Variants in EYS observed in about 807,000 individuals in gnomAD.
The protein encoded by EYS is protein eyes shut homolog.
A neutral mutation model predicts 282.1 loss-of-function variants in EYS; 250 were observed. That is an observed-to-expected ratio of 0.89 (90% CI 0.80 to 0.98). The LOEUF (loss-of-function observed/expected upper bound fraction) is 0.98, where lower values mean the gene tolerates loss of function less well. EYS is among the 50% of genes least tolerant of loss of function. EYS has a pLI of 0.00. For synonymous variants in EYS, 1,355 were observed against 1,282.9 expected, an observed-to-expected ratio of 1.06 and a Z score of -1.20; for missense variants, 4,016 against 3,709.0, an observed-to-expected ratio of 1.08 and a Z score of -2.15.
At chr6:65,194,008 G>A (rs1765705344) in intron 12 of EYS, among the ~76,000 whole-genome samples, 1 of 151,876 alleles carries the variant, frequency 6.6e-6, no homozygotes, top group Admixed American at 6.6e-5. Flanking sequence ...AATTCAAATG[G>A]ATTTCCTTTG....
At chr6:65,373,416 T>C (rs534579388) in intron 8 of EYS, among the ~76,000 whole-genome samples, 1 of 152,128 alleles carries the variant, frequency 6.6e-6, no homozygotes, top group South Asian at 2.1e-4. Flanking sequence ...CCCTTATGCT[T>C]TCTGCTGCTT....
chr6:64,692,977 C>CTTTTTTTTTTT (rs67700846), intron 22 of EYS, among the ~76,000 whole-genome samples: 634 of 11,472 alleles, frequency 0.055, 217 homozygotes, highest in Middle Eastern at 0.5. Context: ...GCTGCTTGGG[C>CTTTTTTTTTTT]TTTTTTTTTT....
At chr6:64,458,463 G>GT (rs1191152156) in intron 26 of EYS, among the ~76,000 whole-genome samples, 165 of 150,572 alleles carry the variant, frequency 1.1e-3, no homozygotes, top group African/African-American at 2.0e-3. Flanking sequence ...TTAATAATTT[G>GT]TTTTTTTTCT....
At chr6:64,159,697 AACCAACT>A (rs1296082525) in intron 31 of EYS, among the ~76,000 whole-genome samples, 7 of 152,056 alleles carry the variant, frequency 4.6e-5, no homozygotes, top group African/African-American at 1.7e-4. Context: ...TTTAACTATC[AACCAACT>A]ATCAACTATC....
At chr6:64,869,995 A>G (rs956321782) in intron 19 of EYS, among the ~76,000 whole-genome samples, 2 of 151,466 alleles carry the variant, frequency 1.3e-5, no homozygotes, top group Non-Finnish European at 3.0e-5. Flanking sequence ...AACAGTGGAG[A>G]AAAAAAAGAC....
In EYS at chr6:64,081,842, C is replaced by T; in HGVS notation, c.6571+14G>A. On this transcript the variant is annotated intron_variant, in intron 32 of 42. Coordinates refer to ENST00000503581, the MANE Select transcript of EYS (RefSeq NM_001142800.2). ...GAAACATGACATACAAGAAGTCAAA[C>T]ATTTAATACTCACTGTAAAGAATAG... The T allele has an allele frequency of 1.4e-6, 2 of 1,480,408 alleles. No individual in the cohort carries two copies. The highest frequency in any genetic ancestry group is 1.8e-6 in the Non-Finnish European group (2 of 1,099,174). 91.7% of individuals were successfully genotyped at this position (1,480,408 alleles called of 1,614,324 possible).
chr6:64,634,217 C>T (rs553540236), intron 22 of EYS, among the ~76,000 whole-genome samples: 8 of 152,268 alleles, frequency 5.3e-5, no homozygotes, highest in South Asian at 4.1e-4. Flanking sequence ...CTCTTCACCT[C>T]GTGATCCGCC....
At chr6:65,266,216 C>A (rs1472560462) in intron 12 of EYS, among the ~76,000 whole-genome samples, 1 of 151,796 alleles carries the variant, frequency 6.6e-6, no homozygotes, top group African/African-American at 2.4e-5. Context: ...ACTATTCATT[C>A]TAGTTATTGC....
chr6:63,876,893 G>A (rs1342318641), intron 35 of EYS, among the ~76,000 whole-genome samples: 2 of 152,136 alleles, frequency 1.3e-5, no homozygotes, highest in African/African-American at 2.4e-5. Flanking sequence ...CCTGAATACA[G>A]CACACTGGTG....
At chr6:64,928,314 AT>A (rs1052457666) in intron 15 of EYS, among the ~76,000 whole-genome samples, 5 of 152,056 alleles carry the variant, frequency 3.3e-5, no homozygotes, top group African/African-American at 1.2e-4. Flanking sequence ...GAAAATACAG[AT>A]TTTGCAGCAA....
chr6:64,188,915 G>A (rs1051724326), intron 31 of EYS, among the ~76,000 whole-genome samples: 1 of 152,036 alleles, frequency 6.6e-6, no homozygotes, highest in African/African-American at 2.4e-5. Flanking sequence ...TTTTACTGCT[G>A]ACCACTACTG....
intron 29 of EYS, among the ~76,000 whole-genome samples, chr6:64,356,137 G>A (rs1287417213): frequency 1.3e-5 from 2 of 151,400 alleles, no homozygotes; most frequent in African/African-American, 2.4e-5. Context: ...TGGGGGGCTT[G>A]GAATTACTGT....
At chr6:64,185,192 T>C (rs1019581113) in intron 31 of EYS, among the ~76,000 whole-genome samples, 1 of 137,150 alleles carries the variant, frequency 7.3e-6, no homozygotes. Context: ...ATAATAAATA[T>C]GTCATAGCAG....
At chr6:64,141,544 C>G (rs1195370288) in intron 31 of EYS, among the ~76,000 whole-genome samples, 1 of 152,056 alleles carries the variant, frequency 6.6e-6, no homozygotes, top group Non-Finnish European at 1.5e-5. Flanking sequence ...ACAAAAATGA[C>G]TGCTTGGAAG....
chr6:64,184,277 T>G (rs1277969860), intron 31 of EYS, among the ~76,000 whole-genome samples: 1 of 152,206 alleles, frequency 6.6e-6, no homozygotes, highest in East Asian at 1.9e-4. Context: ...TTATGGAGAC[T>G]TGATTAAATA....
At chr6:65,644,529 G>A (rs1458132539) in intron 1 of EYS, among the ~76,000 whole-genome samples, 1 of 152,190 alleles carries the variant, frequency 6.6e-6, no homozygotes, top group Non-Finnish European at 1.5e-5. Flanking sequence ...AGCCTTGCTA[G>A]AGATCTAGAC....
intron 12 of EYS, among the ~76,000 whole-genome samples, chr6:65,064,592 A>G (rs1011971869): frequency 6.7e-6 from 1 of 149,348 alleles, no homozygotes; most frequent in African/African-American, 2.4e-5. Flanking sequence ...AAAGTTATAT[A>G]CTATATAGCT....
At chr6:64,956,677 T>A (rs1249996172) in intron 14 of EYS, among the ~76,000 whole-genome samples, 2 of 152,056 alleles carry the variant, frequency 1.3e-5, no homozygotes, top group South Asian at 4.1e-4. Context: ...TTTTTGTAAA[T>A]TACCAATCTG....
intron 5 of EYS, among the ~76,000 whole-genome samples, chr6:65,428,077 T>G (rs964589007): frequency 6.6e-6 from 1 of 152,132 alleles, no homozygotes; most frequent in African/African-American, 2.4e-5. Context: ...ATTTTTGGAA[T>G]GATATCAACT....
Sources: allele counts gnomAD v4.1 joint callset (sites outside exome capture counted in the v4.1 genomes callset), GRCh38; gene constraint gnomAD v4.1.1; transcripts MANE v1.5; gene names NCBI Gene and HGNC (gene_info 2026-07-23, HGNC 2026-07-21).